IL4R: variants seen among roughly 807,000 people sequenced by gnomAD.
IL4R encodes the protein interleukin 4 receptor.
In IL4R, 17 loss-of-function variants were observed where a neutral mutation model predicts 41.5. That is an observed-to-expected ratio of 0.41 (90% CI 0.28 to 0.61). The LOEUF is 0.61. IL4R is among the 20% of genes least tolerant of loss of function. The pLI, the probability that IL4R is intolerant of heterozygous loss-of-function variation, is 0.31. For synonymous variants in IL4R, 402 were observed against 422.9 expected (o/e 0.95, Z 0.61); for missense variants, 974 against 1,043.1 (o/e 0.93, Z 0.91).
intron 1 of IL4R, among the ~76,000 whole-genome samples, chr16:27,317,937 C>T (rs1030637177): frequency 3.4e-4 from 52 of 152,206 alleles, no homozygotes; most frequent in African/African-American, 1.1e-3. Flanking sequence ...GCATTTCTTC[C>T]TCAGGAATTT....
At chr16:27,351,550 T>C (rs993804158) in intron 6 of IL4R, among the ~76,000 whole-genome samples, 3 of 149,316 alleles carry the variant, frequency 2.0e-5, no homozygotes, top group African/African-American at 7.4e-5. Context: ...GTCGTCACTC[T>C]GTCACCCAGG....
chr16:27,326,888 C>T (rs1027706590), intron 1 of IL4R, among the ~76,000 whole-genome samples: 1 of 152,156 alleles, frequency 6.6e-6, no homozygotes, highest in South Asian at 2.1e-4. Context: ...CCTGGCCTGG[C>T]CTGCCTTACT....
chr16:27,356,084 CTTTTTTTT>C (rs36125482), intron 8 of IL4R, among the ~76,000 whole-genome samples, 177 bp downstream of exon 8: 15 of 113,722 alleles, frequency 1.3e-4, no homozygotes, highest in African/African-American at 4.1e-4. Flanking sequence ...CCACTTTTTT[CTTTTTTTT>C]TTTTTTTTTT....
chr16:27,340,920 C>T lies in IL4R; in HGVS notation c.70+647C>T, dbSNP rs143452644. ...CAGAGAGGCCCTGCACTGAGCCTGGCGGGAGGGTTGAGCACAGGAGGGAAT... is the reference window on the plus strand; with the variant it reads ...CAGAGAGGCCCTGCACTGAGCCTGGTGGGAGGGTTGAGCACAGGAGGGAAT... On this transcript the variant is annotated intron_variant, in intron 3 of 10. Transcript: ENST00000395762. The T allele has an allele frequency of 2.3e-3, 848 of 367,078 alleles. 5 individuals are homozygous for T. Among genetic ancestry groups the T allele is most frequent in the East Asian group, 0.012 (174 of 15,014 alleles). The allele number at this position is 367,078 out of a possible 1,614,324, so 22.7% of individuals were successfully genotyped here.
At position 27,362,600 on chromosome 16, in the gene IL4R, A is replaced by G. The variant is rs752564489; in HGVS notation, c.1248A>G (p.Gly416=). 30 of 1,613,994 alleles carry G rather than the reference A, an allele frequency of 1.9e-5. No individual in the cohort carries two copies. Among genetic ancestry groups the G allele is most frequent in the Non-Finnish European group, 2.4e-5 (28 of 1,180,010 alleles). Residue 416 remains glycine, a synonymous_variant, in exon 11 of 11, where the codon GGA becomes GGG. Coordinates refer to ENST00000395762, the MANE Select transcript of IL4R (RefSeq NM_000418.4). ...LTESLFLDLL[G]EENGGFCQQD... ...AGAGCCTGTTCCTGGACCTGCTCGG[A>G]GAGGAGAATGGGGGCTTTTGCCAGC...
chr16:27,318,227 G>A (rs755489667), intron 1 of IL4R, among the ~76,000 whole-genome samples: 2 of 152,134 alleles, frequency 1.3e-5, no homozygotes, highest in African/African-American at 2.4e-5. Flanking sequence ...GTGCTTTCCC[G>A]CCCTGCATGA....
chr16:27,355,423 T>A, intron 7 of IL4R: 1 of 291,882 alleles, frequency 3.4e-6, no homozygotes, highest in Non-Finnish European at 6.8e-6. Flanking sequence ...GCACGATCAA[T>A]TCTGTCATTA....
At chr16:27,347,480 C>T (rs978446603) in intron 6 of IL4R, among the ~76,000 whole-genome samples, 7 of 152,190 alleles carry the variant, frequency 4.6e-5, no homozygotes, top group East Asian at 1.9e-4. Context: ...TGTGAGCCAC[C>T]GCACCTGGCC....
At chr16:27,350,671 A>G (rs1022147515) in intron 6 of IL4R, among the ~76,000 whole-genome samples, 2 of 152,214 alleles carry the variant, frequency 1.3e-5, no homozygotes, top group African/African-American at 2.4e-5. Context: ...TCATGAATAT[A>G]GCGTTCATGT....
chr16:27,323,522 G>T (rs1210385944), intron 1 of IL4R, among the ~76,000 whole-genome samples: 1 of 152,220 alleles, frequency 6.6e-6, no homozygotes, highest in Non-Finnish European at 1.5e-5. Context: ...CTCACTAGCT[G>T]TGCATCCTTA....
chr16:27,357,532 C>G (rs776706631), intron 8 of IL4R, among the ~76,000 whole-genome samples: 10 of 152,136 alleles, frequency 6.6e-5, no homozygotes, highest in Non-Finnish European at 7.3e-5. Context: ...GGTGCGATCT[C>G]GACTCACTGC....
At chr16:27,343,786 C>T (rs1284531846) in intron 4 of IL4R, among the ~76,000 whole-genome samples, 4 of 152,086 alleles carry the variant, frequency 2.6e-5, no homozygotes, top group Admixed American at 2.6e-4. Flanking sequence ...TGCATGTTCT[C>T]ACTTATAAGT....
intron 10 of IL4R, 94 bp from the exon 11 acceptor site, chr16:27,362,158 A>G (rs1392771554): frequency 4.1e-6 from 5 of 1,216,736 alleles, no homozygotes; most frequent in African/African-American, 3.1e-5. Flanking sequence ...GTAGACAGCC[A>G]TCAGGACATG....
rs760218604 is a variant in IL4R at position 27,344,946 on chromosome 16, C to T, written c.287C>T (p.Ala96Val). ...CTGCTCATGGATGACGTGGTCAGTGCGGATAACTATACACTGGACCTGTGG... is the reference window on the plus strand; with the variant it reads ...CTGCTCATGGATGACGTGGTCAGTGTGGATAACTATACACTGGACCTGTGG... ...CHLLMDDVVS[A>V]DNYTLDLWAG... Residue 96 changes from alanine (A) to valine (V), a missense_variant, in exon 5 of 11, where the codon GCG becomes GTG. Ala to Val is a moderately conservative substitution (Grantham distance 64, BLOSUM62 0). Coordinates refer to ENST00000395762, the MANE Select transcript of IL4R (RefSeq NM_000418.4). 5 of 1,614,072 alleles carry T rather than the reference C, an allele frequency of 3.1e-6. No individual in the cohort carries two copies. The highest frequency in any genetic ancestry group is 2.2e-5 in the East Asian group (1 of 44,890).
chr16:27,318,181 T>A (rs1052007584), intron 1 of IL4R, among the ~76,000 whole-genome samples: 32 of 152,348 alleles, frequency 2.1e-4, no homozygotes, highest in South Asian at 1.2e-3. Flanking sequence ...TGCTCAGATG[T>A]CTTTCTGCAG....
intron 3 of IL4R, among the ~76,000 whole-genome samples, chr16:27,340,764 A>T (rs1037140959): frequency 6.6e-6 from 1 of 152,080 alleles, no homozygotes; most frequent in African/African-American, 2.4e-5. Flanking sequence ...GAACAGCATA[A>T]GAGGGGGTTG....
At chr16:27,315,743 C>G (rs2084628299) in intron 1 of IL4R, among the ~76,000 whole-genome samples, 1 of 152,264 alleles carries the variant, frequency 6.6e-6, no homozygotes, top group Admixed American at 6.5e-5. Flanking sequence ...GAATGCCATG[C>G]CAAGGAACTT....
intron 4 of IL4R, among the ~76,000 whole-genome samples, chr16:27,344,622 G>A (rs1028102033): frequency 2.0e-5 from 3 of 152,190 alleles, no homozygotes; most frequent in Non-Finnish European, 4.4e-5. Context: ...GACCAGGGCC[G>A]GCAGCTAGGC....
intron 6 of IL4R, among the ~76,000 whole-genome samples, chr16:27,348,727 T>G (rs898890149): frequency 6.6e-6 from 1 of 152,062 alleles, no homozygotes; most frequent in Non-Finnish European, 1.5e-5. Context: ...AGGGTGCTGG[T>G]GGAGGGCCCT....
Sources: gnomAD v4.1 joint callset for allele counts (sites outside exome capture counted in the v4.1 genomes callset) on GRCh38, gnomAD v4.1.1 for gene constraint, MANE v1.5 for transcripts, NCBI Gene and HGNC (gene_info 2026-07-23, HGNC 2026-07-21) for gene names.